The following CSPP1 variants were observed in gnomAD, a reference collection of about 807,000 sequenced individuals.
The protein encoded by CSPP1 is centrosome and spindle pole-associated protein 1.
CSPP1 carries 126 observed loss-of-function variants against 164.4 expected under a neutral mutation model. The ratio of observed to expected loss-of-function variants is 0.77; its 90% confidence interval spans 0.66 to 0.89. The LOEUF is 0.89. Among genes scored for constraint, CSPP1 ranks in the 40% least tolerant of loss-of-function variants. The pLI is 0.00. For synonymous variants in CSPP1, 472 were observed against 476.7 expected (o/e 0.99, Z 0.13); for missense variants, 1,395 against 1,449.8 (o/e 0.96, Z 0.61).
chr8:67,142,731 A>G (rs1823750211), intron 17 of CSPP1, among the ~76,000 whole-genome samples: 1 of 152,184 alleles, frequency 6.6e-6, no homozygotes. Context: ...TTTGTAAGAA[A>G]CTGCCAGAAC....
chr8:67,093,577 A>G lies in CSPP1; in HGVS notation c.419A>G (p.Asn140Ser), dbSNP rs772479527. 5 of 1,611,900 alleles carry G rather than the reference A, an allele frequency of 3.1e-6. No homozygotes were observed. The highest frequency in any genetic ancestry group is 2.2e-5 in the East Asian group (1 of 44,804). Residue 140 changes from asparagine (N) to serine (S), a missense_variant, in exon 6 of 31, where the codon AAT becomes AGT. Physicochemically the swap from Asn to Ser is conservative, Grantham distance 46 (BLOSUM62 1). Coordinates refer to ENST00000678616, the MANE Select transcript of CSPP1 (RefSeq NM_001382391.1). ...AAACTTGAACGTAACAAAGAATACA[A>G]TCAGTTTCTCAGGGGTAAGGAAGAA... is the stretch of plus-strand genomic sequence containing the variant. ...RLKLERNKEY[N>S]QFLRGKEESS...
chr8:67,111,623 G>A (rs961125608), intron 9 of CSPP1, among the ~76,000 whole-genome samples: 5 of 152,164 alleles, frequency 3.3e-5, no homozygotes, highest in East Asian at 1.9e-4. Flanking sequence ...GCTCGTTTGC[G>A]ATTGAAATGT....
At chr8:67,193,725 T>C (rs1349865831) in intron 30 of CSPP1, 123 bp downstream of exon 30, 1 of 790,888 alleles carries the variant, frequency 1.3e-6, no homozygotes, top group Non-Finnish European at 2.0e-6. Context: ...TTGAGTTGTA[T>C]GGCCCAAGAC....
intron 3 of CSPP1, among the ~76,000 whole-genome samples, chr8:67,077,518 G>A (rs1585861580): frequency 6.6e-6 from 1 of 151,982 alleles, no homozygotes; most frequent in Admixed American, 6.6e-5. Flanking sequence ...TATATTTTTG[G>A]TAGAGACAGG....
intron 28 of CSPP1, among the ~76,000 whole-genome samples, chr8:67,183,708 A>C (rs1187433084): frequency 1.3e-5 from 2 of 152,192 alleles, no homozygotes; most frequent in Non-Finnish European, 2.9e-5. Flanking sequence ...TAAAATGCCA[A>C]ACTCTAAAAC....
At chr8:67,071,040 A>T (rs531151551) in intron 1 of CSPP1, among the ~76,000 whole-genome samples, 15 of 152,310 alleles carry the variant, frequency 9.8e-5, no homozygotes, top group African/African-American at 3.6e-4. Flanking sequence ...AGTGTGAGCC[A>T]CCAAGCCCAG....
intron 15 of CSPP1, among the ~76,000 whole-genome samples, chr8:67,131,378 C>A (rs1416657828): frequency 6.6e-6 from 1 of 152,116 alleles, no homozygotes; most frequent in South Asian, 2.1e-4. Context: ...CGAAGTAGGA[C>A]CCTGTCCCAA....
chr8:67,184,149 G>A (rs886945400), intron 28 of CSPP1, among the ~76,000 whole-genome samples: 1 of 152,010 alleles, frequency 6.6e-6, no homozygotes, highest in African/African-American at 2.4e-5. Context: ...CACTGCGCCC[G>A]GCCAAAAATT....
intron 29 of CSPP1, among the ~76,000 whole-genome samples, 157 bp downstream of exon 29, chr8:67,190,916 AGCTAT>A (rs1836045232): frequency 1.3e-5 from 2 of 152,260 alleles, no homozygotes; most frequent in African/African-American, 4.8e-5. Context: ...GACCTTGGGT[AGCTAT>A]TGAATTCTGC....
Position 67,195,412 on chromosome 8 carries a change from ACAT to A in CSPP1, c.3504_3506del (p.Ile1168del). On this transcript the variant is annotated inframe_deletion, in exon 31 of 31. Transcript: ENST00000678616. The stretch of plus-strand genomic sequence containing the variant: ...GAGAGTTCACTGGTTGACCCTGATG[ACAT>A]CATGAAACACATAGGGGATGACGGA... 6.2e-7 allele frequency: 1 copy of A among 1,614,042 alleles called. No homozygotes were observed. Among genetic ancestry groups the A allele is most frequent in the Non-Finnish European group, 8.5e-7 (1 of 1,179,934 alleles).
At chr8:67,111,476 T>C (rs567777100) in intron 9 of CSPP1, among the ~76,000 whole-genome samples, 3 of 152,262 alleles carry the variant, frequency 2.0e-5, no homozygotes, top group East Asian at 1.9e-4. Context: ...CCAAGGTTAA[T>C]GGCTCTGAGA....
chr8:67,102,990 G>A (rs1563559659), intron 7 of CSPP1, 47 bp from the exon 8 acceptor site: 1 of 1,064,758 alleles, frequency 9.4e-7, no homozygotes, highest in Non-Finnish European at 1.4e-6. Flanking sequence ...GTTATAAGAA[G>A]GTCCACTGTA....
intron 24 of CSPP1, among the ~76,000 whole-genome samples, chr8:67,170,453 CA>C (rs1025749706): frequency 1.1e-4 from 16 of 151,474 alleles, no homozygotes; most frequent in Non-Finnish European, 2.1e-4. Context: ...AGGACTCTTT[CA>C]AAAAAAAATT....
chr8:67,188,647 C>T (rs994100195), intron 28 of CSPP1, among the ~76,000 whole-genome samples: 1 of 152,088 alleles, frequency 6.6e-6, no homozygotes. Flanking sequence ...GCTGAGCTTT[C>T]GCTTGCTGTC....
chr8:67,176,485 G>C (rs1233953715), intron 26 of CSPP1, among the ~76,000 whole-genome samples: 2 of 152,264 alleles, frequency 1.3e-5, no homozygotes, highest in East Asian at 3.9e-4. Context: ...TTTAATAACA[G>C]CCTCATAGCC....
Position 67,158,448 on chromosome 8 carries a change from T to C in CSPP1, c.2243T>C (p.Ile748Thr), listed in dbSNP as rs1355244349. 1 of 1,584,986 alleles carries C rather than the reference T, an allele frequency of 6.3e-7. No homozygotes were observed. The highest frequency in any genetic ancestry group is 1.2e-5 in the South Asian group (1 of 85,620). ...AAATAACTAAGTTTAATTCTTTAGA[T>C]TGAGGAAAAGAAACAAAGAGAGGAA... The part of the protein sequence containing the change: ...ELYKNFLRFQ[I>T]EEKKQREEAE... The change falls in exon 20 of 31, where the codon ATT (isoleucine) becomes ACT (threonine). Residue 748 changes from isoleucine to threonine, a missense_variant and splice_region_variant. By Grantham distance (89) the Ile-to-Thr change is moderately conservative (BLOSUM62 -1). Coordinates refer to ENST00000678616, the MANE Select transcript of CSPP1 (RefSeq NM_001382391.1).
At chr8:67,164,963 T>G (rs1045514980) in intron 24 of CSPP1, among the ~76,000 whole-genome samples, 1 of 152,176 alleles carries the variant, frequency 6.6e-6, no homozygotes, top group Non-Finnish European at 1.5e-5. Flanking sequence ...AAAAATAAAC[T>G]TTCTATTTTG....
At chr8:67,166,616 A>C (rs1279123372) in intron 24 of CSPP1, among the ~76,000 whole-genome samples, 1 of 152,214 alleles carries the variant, frequency 6.6e-6, no homozygotes, top group Non-Finnish European at 1.5e-5. Flanking sequence ...AATACGTTCC[A>C]AGCAATTGAG....
intron 1 of CSPP1, 47 bp downstream of exon 1, chr8:67,064,585 G>A: frequency 1.3e-6 from 2 of 1,501,230 alleles, no homozygotes; most frequent in Non-Finnish European, 1.8e-6. Flanking sequence ...TCCTGGGGCT[G>A]CATTCGCTGC....
Sources: gnomAD v4.1 joint callset for allele counts (sites outside exome capture counted in the v4.1 genomes callset) on GRCh38, gnomAD v4.1.1 for gene constraint, MANE v1.5 for transcripts, NCBI Gene and HGNC (gene_info 2026-07-23, HGNC 2026-07-21) for gene names.